The following MTUS2 variants were observed in gnomAD, a reference collection of about 807,000 sequenced individuals.
MTUS2 encodes the protein microtubule associated scaffold protein 2, also known as microtubule-associated tumor suppressor candidate 2.
Under a neutral mutation model 114.1 loss-of-function variants are expected in MTUS2, and 40 were observed. The observed-to-expected ratio is 0.35, with a 90% CI of 0.27 to 0.46. MTUS2 has a LOEUF of 0.46. Among genes scored for constraint, MTUS2 ranks in the 20% least tolerant of loss-of-function variants. The pLI is 1.00. For missense variants in MTUS2, 1,679 were observed against 1,705.4 expected, an observed-to-expected ratio of 0.98 and a Z score of 0.27; for synonymous variants, 688 against 672.0, an observed-to-expected ratio of 1.02 and a Z score of -0.37.
intron 9 of MTUS2, among the ~76,000 whole-genome samples, chr13:29,460,208 AG>A (rs1191492859): frequency 5.3e-5 from 8 of 152,178 alleles, no homozygotes; most frequent in Non-Finnish European, 1.2e-4. Context: ...GTTGTACAGA[AG>A]GGGGTTGACT....
intron 5 of MTUS2, among the ~76,000 whole-genome samples, chr13:29,167,912 A>C (rs1893386283): frequency 6.6e-6 from 1 of 152,212 alleles, no homozygotes; most frequent in Non-Finnish European, 1.5e-5. Context: ...ATAATACTGA[A>C]ATAAATAGGA....
At chr13:28,950,782 T>C (rs749379598) in intron 2 of MTUS2, among the ~76,000 whole-genome samples, 2 of 152,164 alleles carry the variant, frequency 1.3e-5, no homozygotes, top group Admixed American at 6.5e-5. Flanking sequence ...ACAGATATAT[T>C]AATAATGAAA....
chr13:29,105,634 A>T (rs1045403999), intron 5 of MTUS2, among the ~76,000 whole-genome samples: 1 of 137,530 alleles, frequency 7.3e-6, no homozygotes, highest in Non-Finnish European at 1.5e-5. Flanking sequence ...AAAAAAAATT[A>T]GAAGTTTTTC....
intron 5 of MTUS2, among the ~76,000 whole-genome samples, chr13:29,175,989 C>A (rs1893757082): frequency 6.6e-6 from 1 of 151,940 alleles, no homozygotes; most frequent in Non-Finnish European, 1.5e-5. Context: ...AATTTACAGT[C>A]CCAACTTGGT....
intron 5 of MTUS2, among the ~76,000 whole-genome samples, chr13:29,265,247 T>C (rs1897625755): frequency 6.6e-6 from 1 of 152,228 alleles, no homozygotes; most frequent in South Asian, 2.1e-4. Context: ...AGTTGTAACA[T>C]GGATGACCTT....
chr13:28,954,141 T>C (rs1882950107), intron 2 of MTUS2, among the ~76,000 whole-genome samples: 2 of 152,228 alleles, frequency 1.3e-5, no homozygotes, highest in African/African-American at 4.8e-5. Context: ...GAAAAAAGAA[T>C]TTGCAGAGTG....
At chr13:29,474,118 C>T (rs1880521401) in intron 9 of MTUS2, among the ~76,000 whole-genome samples, 1 of 152,212 alleles carries the variant, frequency 6.6e-6, no homozygotes, top group Non-Finnish European at 1.5e-5. Context: ...CATCACCTCT[C>T]ATTTTATAAT....
intron 8 of MTUS2, among the ~76,000 whole-genome samples, chr13:29,410,105 G>C (rs1344443619): frequency 1.3e-5 from 2 of 148,276 alleles, no homozygotes; most frequent in Non-Finnish European, 3.0e-5. Context: ...TCGAACCCTT[G>C]CCCATCGAAT....
intron 2 of MTUS2, among the ~76,000 whole-genome samples, chr13:28,989,511 C>T (rs1420426298): frequency 6.6e-6 from 1 of 152,186 alleles, no homozygotes; most frequent in Non-Finnish European, 1.5e-5. Context: ...GAGGAGGTCG[C>T]AGGTTTGAAG....
At chr13:29,290,146 T>C (rs1898646400) in intron 6 of MTUS2, among the ~76,000 whole-genome samples, 2 of 152,234 alleles carry the variant, frequency 1.3e-5, no homozygotes, top group Admixed American at 6.5e-5. Context: ...TGTAATACTT[T>C]CGGTGCCTTT....
intron 5 of MTUS2, among the ~76,000 whole-genome samples, chr13:29,153,244 G>C (rs1008716225): frequency 6.6e-6 from 1 of 152,148 alleles, no homozygotes; most frequent in Non-Finnish European, 1.5e-5. Flanking sequence ...TGCAGGTCCT[G>C]TTAACCTACC....
intron 5 of MTUS2, among the ~76,000 whole-genome samples, chr13:29,174,329 T>G (rs1017101282): frequency 6.6e-6 from 1 of 152,164 alleles, no homozygotes; most frequent in African/African-American, 2.4e-5. Context: ...CCCCTGGCAG[T>G]TTGAGCATTT....
chr13:28,860,351 G>C (rs959101974), intron 2 of MTUS2, among the ~76,000 whole-genome samples: 1 of 152,154 alleles, frequency 6.6e-6, no homozygotes, highest in African/African-American at 2.4e-5. Flanking sequence ...CCCCTAAGAG[G>C]TTAGTATCTG....
intron 2 of MTUS2, among the ~76,000 whole-genome samples, chr13:28,872,092 G>C (rs1283283098): frequency 1.3e-5 from 2 of 152,222 alleles, no homozygotes; most frequent in East Asian, 1.9e-4. Flanking sequence ...GTTTTAAAAT[G>C]TTGACCATGG....
chr13:28,829,258 G>T (rs1176662096), intron 1 of MTUS2, among the ~76,000 whole-genome samples: 1 of 152,154 alleles, frequency 6.6e-6, no homozygotes, highest in Non-Finnish European at 1.5e-5. Context: ...AGGCACAGTG[G>T]CTCACACCTG....
rs185138738 is a variant in MTUS2, at chr13:28,850,286, G to C, written c.-243+10436G>C. Among the ~76,000 whole-genome samples the C allele has an allele frequency of 2.1e-3, 317 of 152,316 alleles. 1 individual carries two copies. The highest frequency in any genetic ancestry group is 2.7e-3 in the South Asian group (13 of 4,832). On this transcript the variant is annotated intron_variant, in intron 2 of 15. Transcript: ENST00000612955. ...ACATTAGACAGATACATTCCCCTCT[G>C]TATAGGGCCCCATCCCAGTTTTTGG...
intron 5 of MTUS2, among the ~76,000 whole-genome samples, chr13:29,273,071 C>T (rs1449020046): frequency 6.6e-6 from 1 of 152,148 alleles, no homozygotes; most frequent in African/African-American, 2.4e-5. Context: ...CCCTCATAGC[C>T]CAATCACCTT....
At position 28,974,914 on chromosome 13, in the gene MTUS2, A is replaced by G. The variant is rs187139045; in HGVS notation, c.-242-49543A>G. Among the ~76,000 whole-genome samples, 1,299 of 152,366 alleles carry G rather than the reference A, an allele frequency of 8.5e-3. 5 individuals carry two copies. The highest frequency in any genetic ancestry group is 0.016 in the Admixed American group (248 of 15,310). On this transcript the variant is annotated intron_variant, in intron 2 of 15. Coordinates refer to ENST00000612955, the MANE Select transcript of MTUS2 (RefSeq NM_001033602.4). ...AGAATGAATAATAAATGGCAAAGCT[A>G]TGTATACAAAGAAAATATGCATAGC...
At chr13:29,003,675 T>C (rs1172289997) in intron 2 of MTUS2, among the ~76,000 whole-genome samples, 1 of 152,180 alleles carries the variant, frequency 6.6e-6, no homozygotes, top group African/African-American at 2.4e-5. Context: ...CTTAGCATGA[T>C]ATTTTTGGTT....
Sources: allele counts gnomAD v4.1 joint callset (sites outside exome capture counted in the v4.1 genomes callset), GRCh38; gene constraint gnomAD v4.1.1; transcripts MANE v1.5; gene names NCBI Gene and HGNC (gene_info 2026-07-23, HGNC 2026-07-21).